The following OTOP3 variants were observed in gnomAD, a reference collection of about 807,000 sequenced individuals.
OTOP3 encodes the protein proton channel OTOP3.
In OTOP3, 41 loss-of-function variants were observed where a neutral mutation model predicts 50.8. The observed-to-expected ratio is 0.81, with a 90% CI of 0.63 to 1.05. The LOEUF is 1.05. Among genes scored for constraint, OTOP3 ranks in the 50% least tolerant of loss-of-function variants. The pLI is 0.00. For synonymous variants in OTOP3, 320 were observed against 324.4 expected, an observed-to-expected ratio of 0.99 and a Z score of 0.14; for missense variants, 788 against 760.8, an observed-to-expected ratio of 1.04 and a Z score of -0.42.
chr17:74,949,362 C>T lies in OTOP3; in HGVS notation c.1683C>T (p.Val561=). The T allele has an allele frequency of 6.2e-7, 1 of 1,614,014 alleles. No homozygotes were observed. The highest frequency in any genetic ancestry group is 8.5e-7 in the Non-Finnish European group (1 of 1,180,008). Residue 561 remains valine (V), a synonymous_variant, in exon 7 of 7, where the codon GTC becomes GTT. Transcript: ENST00000328801. ...AIVNFGLPLG[V]FYRMHSVGGL... ...TCAACTTCGGCCTGCCTCTGGGGGTCTTCTACCGCATGCACTCTGTGGGAG... is the reference window on the plus strand; with the variant it reads ...TCAACTTCGGCCTGCCTCTGGGGGTTTTCTACCGCATGCACTCTGTGGGAG...
chr17:74,949,367 A>C lies in OTOP3; in HGVS notation c.1688A>C (p.Tyr563Ser). Residue 563 changes from tyrosine to serine, a missense_variant, in exon 7 of 7, where the codon TAC becomes TCC. Tyr to Ser is a moderately radical substitution (Grantham distance 144). Coordinates refer to ENST00000328801, the MANE Select transcript of OTOP3 (RefSeq NM_001272005.2). ...TTCGGCCTGCCTCTGGGGGTCTTCT[A>C]CCGCATGCACTCTGTGGGAGGCCTG... is the stretch of plus-strand genomic sequence containing the variant. ...VNFGLPLGVF[Y>S]RMHSVGGLVE... The C allele has an allele frequency of 6.2e-7, 1 of 1,613,864 alleles. No homozygotes were observed. The highest frequency in any genetic ancestry group is 8.5e-7 in the Non-Finnish European group (1 of 1,179,970).
Position 74,946,844 on chromosome 17 carries a change from C to T in OTOP3, c.935C>T (p.Ala312Val). The change falls in exon 6 of 7, where the codon GCA becomes GTA. Residue 312 changes from alanine (A) to valine (V), a missense_variant. Coordinates refer to ENST00000328801, the MANE Select transcript of OTOP3 (RefSeq NM_001272005.2). ...CACATGGGTGCCCACCCTGCCACCGCACCCTTCCACCTGCACGGGGCCATC... is the reference window on the plus strand; with the variant it reads ...CACATGGGTGCCCACCCTGCCACCGTACCCTTCCACCTGCACGGGGCCATC... ...APHMGAHPAT[A>V]PFHLHGAIFG... 6.2e-7 allele frequency: 1 copy of T among 1,610,868 alleles called. No homozygotes were observed. Among genetic ancestry groups the T allele is most frequent in the Non-Finnish European group, 8.5e-7 (1 of 1,180,028 alleles).
chr17:74,942,294 A>G (rs920207763), intron 3 of OTOP3, among the ~76,000 whole-genome samples: 2 of 152,232 alleles, frequency 1.3e-5, no homozygotes, highest in Non-Finnish European at 2.9e-5. Context: ...ATGTAGGCAT[A>G]TCCCTGGATA....
At chr17:74,936,961 C>CTTTT (rs1191319023) in intron 1 of OTOP3, among the ~76,000 whole-genome samples, 20,072 of 100,632 alleles carry the variant, frequency 0.2, 4,313 homozygotes, top group Admixed American at 0.31. Context: ...CCCCCCCACC[C>CTTTT]TTTTTTTTTT....
rs1775743928 is a variant in OTOP3, at chr17:74,947,399, A to T, written c.1490A>T (p.His497Leu). ...GLQRASLAYI[H>L]SYSHLNWKRR... ...CAGCGGGCCTCACTGGCCTACATCC[A>T]CTCCTACAGCCACCTCAACTGGAAG... Residue 497 changes from histidine to leucine, a missense_variant, in exon 6 of 7, where the codon CAC becomes CTC. Physicochemically the swap from His to Leu is moderately conservative, Grantham distance 99. Transcript: ENST00000328801. 1 of 1,612,608 alleles carries T rather than the reference A, an allele frequency of 6.2e-7. No individual in the cohort carries two copies. The highest frequency in any genetic ancestry group is 8.5e-7 in the Non-Finnish European group (1 of 1,179,798).
At chr17:74,944,979 G>A (rs957057984) in intron 5 of OTOP3, among the ~76,000 whole-genome samples, 8 of 150,384 alleles carry the variant, frequency 5.3e-5, no homozygotes, top group Admixed American at 2.0e-4. Flanking sequence ...ACAGGGTGTC[G>A]CTCTGTCACC....
At chr17:74,938,745 A>G (rs2039142959) in intron 1 of OTOP3, among the ~76,000 whole-genome samples, 1 of 152,156 alleles carries the variant, frequency 6.6e-6, no homozygotes, top group Non-Finnish European at 1.5e-5. Flanking sequence ...CTGTGTCAGT[A>G]ATTTGGACTT....
chr17:74,945,956 T>C (rs2039220795), intron 5 of OTOP3, among the ~76,000 whole-genome samples: 1 of 147,528 alleles, frequency 6.8e-6, no homozygotes, highest in African/African-American at 2.5e-5. Context: ...TAATGTTTTT[T>C]GTTAGTTTTT....
chr17:74,949,661 C>A lies in OTOP3; in HGVS notation c.*245C>A. ...GGCACATGCCTGCCCCCTGCCTTCC[C>A]ACCACGATCCGCAAGCCAAGGGTGC... On this transcript the variant is annotated 3_prime_UTR_variant, in exon 7 of 7. Coordinates refer to ENST00000328801, the MANE Select transcript of OTOP3 (RefSeq NM_001272005.2). 1 of 499,966 alleles carries A rather than the reference C, an allele frequency of 2.0e-6. No homozygotes were observed. Among genetic ancestry groups the A allele is most frequent in the Non-Finnish European group, 3.5e-6 (1 of 285,066 alleles). The allele number at this position is 499,966 out of a possible 1,614,324, so 31.0% of individuals were successfully genotyped here.
At chr17:74,944,134 G>A (rs776749525) in intron 5 of OTOP3, among the ~76,000 whole-genome samples, 4 of 152,264 alleles carry the variant, frequency 2.6e-5, no homozygotes, top group South Asian at 2.1e-4. Context: ...CAGGTGGGAC[G>A]GAAGATATCT....
At chr17:74,943,218 C>A in intron 3 of OTOP3, 68 bp from the exon 4 acceptor site, 1 of 1,398,086 alleles carries the variant, frequency 7.2e-7, no homozygotes, top group South Asian at 1.2e-5. Flanking sequence ...ACGCATGCGC[C>A]CCAGGAACTC....
At chr17:74,936,889 C>A (rs915417923) in intron 1 of OTOP3, among the ~76,000 whole-genome samples, 1 of 151,876 alleles carries the variant, frequency 6.6e-6, no homozygotes. Context: ...TACTCTCTGC[C>A]CGTGCTTCGT....
chr17:74,943,692 C>G lies in OTOP3; in HGVS notation c.719C>G (p.Ala240Gly), dbSNP rs1338894202. ...TNDSMHREIEAELGILMEKST... is the reference protein window; with the variant it reads ...TNDSMHREIEGELGILMEKST... ...GACTCCATGCACCGAGAGATCGAAGCTGAGCTTGGCATCCTCATGGAAAAA... is the reference window on the plus strand; with the variant it reads ...GACTCCATGCACCGAGAGATCGAAGGTGAGCTTGGCATCCTCATGGAAAAA... The change falls in exon 5 of 7, where the codon GCT becomes GGT. Residue 240 changes from alanine (A) to glycine (G), a missense_variant. Coordinates refer to ENST00000328801, the MANE Select transcript of OTOP3 (RefSeq NM_001272005.2). 3.1e-6 allele frequency: 5 copies of G among 1,610,742 alleles called. No homozygotes were observed. The highest frequency in any genetic ancestry group is 4.2e-6 in the Non-Finnish European group (5 of 1,179,904).
intron 5 of OTOP3, among the ~76,000 whole-genome samples, chr17:74,945,582 C>T (rs1026266548): frequency 1.3e-5 from 2 of 152,172 alleles, no homozygotes; most frequent in Non-Finnish European, 2.9e-5. Flanking sequence ...TAGATATTTT[C>T]GGCCCCAGCT....
At position 74,947,262 on chromosome 17, in the gene OTOP3, C is replaced by T. The variant is rs528308185; in HGVS notation, c.1353C>T (p.Ile451=). 42 of 1,613,740 alleles carry T rather than the reference C, an allele frequency of 2.6e-5. No individual in the cohort carries two copies. The highest frequency in any genetic ancestry group is 1.7e-4 in the Admixed American group (10 of 60,014). The change falls in exon 6 of 7, where the codon ATC becomes ATT. Residue 451 remains isoleucine, a synonymous_variant. Transcript: ENST00000328801. ...LQHIAQNLFI[I]EGLHRRPLWE... is the part of the protein sequence containing the mutation. ...ACATCGCTCAGAACCTCTTCATCATCGAGGGCCTGCACCGGCGCCCACTCT... is the reference window on the plus strand; with the variant it reads ...ACATCGCTCAGAACCTCTTCATCATTGAGGGCCTGCACCGGCGCCCACTCT...
In OTOP3 at chr17:74,946,679, G is replaced by A; in HGVS notation, c.770G>A (p.Cys257Tyr). 3 of 1,610,774 alleles carry A rather than the reference G, an allele frequency of 1.9e-6. No individual in the cohort carries two copies. The East Asian group carries it at 6.7e-5, about 36-fold the overall frequency. Residue 257 changes from cysteine (C) to tyrosine (Y), a missense_variant, in exon 6 of 7, where the codon TGT becomes TAT. Physicochemically the swap from Cys to Tyr is radical, Grantham distance 194. Transcript: ENST00000328801. ...EKSTGNETNT[C>Y]LCLNATACEA... ...CTCCCAGGCAATGAGACCAACACCTGTCTGTGCCTCAATGCCACCGCGTGT... is the reference window on the plus strand; with the variant it reads ...CTCCCAGGCAATGAGACCAACACCTATCTGTGCCTCAATGCCACCGCGTGT...
At position 74,941,468 on chromosome 17, in the gene OTOP3, T is replaced by C; in HGVS notation, c.95T>C (p.Val32Ala). ...TEAAPEKENR[V>A]DVGAEERAAA... is the part of the protein sequence containing the mutation. ...GCAGCCCCGGAGAAGGAGAACCGAG[T>C]GGATGTGGGGGCCGAGGAGAGAGCG... Residue 32 changes from valine (V) to alanine (A), a missense_variant, in exon 2 of 7, where the codon GTG (valine) becomes GCG (alanine). Coordinates refer to ENST00000328801, the MANE Select transcript of OTOP3 (RefSeq NM_001272005.2). 2 of 1,604,484 alleles carry C rather than the reference T, an allele frequency of 1.2e-6. No homozygotes were observed. The highest frequency in any genetic ancestry group is 1.7e-6 in the Non-Finnish European group (2 of 1,174,830).
Position 74,949,489 on chromosome 17 carries a change from G to A in OTOP3, c.*73G>A, listed in dbSNP as rs1187203190. ...GGTAGCCCAGAGTCTCTGAGCAGAT[G>A]CCTCATTCTGAGGTGCCGAGACCAG... On this transcript the variant is annotated 3_prime_UTR_variant, in exon 7 of 7. Transcript: ENST00000328801. 5.9e-6 allele frequency: 9 copies of A among 1,538,416 alleles called. No individual in the cohort carries two copies. The African/African-American group carries it at 9.6e-5, about 16-fold the overall frequency.
chr17:74,941,279 ACCCAAC>A, intron 1 of OTOP3, 108 bp from the exon 2 acceptor site: 1 of 871,052 alleles, frequency 1.1e-6, no homozygotes, highest in Non-Finnish European at 1.4e-6. Flanking sequence ...TGTCCCAACC[ACCCAAC>A]CAGAGAGGCC....
Sources: gnomAD v4.1 joint callset for allele counts (sites outside exome capture counted in the v4.1 genomes callset) on GRCh38, gnomAD v4.1.1 for gene constraint, MANE v1.5 for transcripts, NCBI Gene and HGNC (gene_info 2026-07-23, HGNC 2026-07-21) for gene names.